The following RBMS1 variants were observed in gnomAD, a reference collection of about 807,000 sequenced individuals.
The protein encoded by RBMS1 is RNA-binding motif, single-stranded-interacting protein 1.
Under a neutral mutation model 62.3 loss-of-function variants are expected in RBMS1, and 17 were observed. The observed-to-expected ratio is 0.27, with a 90% CI of 0.19 to 0.41. The LOEUF (loss-of-function observed/expected upper bound fraction) is 0.41, where lower values mean the gene tolerates loss of function less well. Ranked by LOEUF, RBMS1 falls within the 10% of genes least tolerant of loss-of-function variation. The probability of loss-of-function intolerance (pLI) is 1.00; values close to 1 mark genes in which losing one functional copy is unlikely to be tolerated. For missense variants in RBMS1, 334 were observed against 504.5 expected, an observed-to-expected ratio of 0.66 and a Z score of 3.24; for synonymous variants, 172 against 170.0, an observed-to-expected ratio of 1.01 and a Z score of -0.09.
rs1459318953 is a variant in RBMS1 at position 160,297,818 on chromosome 2, TGGA to T, written c.640+2830_640+2832del. ...GGGAATACCATTTGTAGTTCAATGT[TGGA>T]GGAGGATAAGCAGGAAGGCAGAGGA... is the stretch of plus-strand genomic sequence containing the variant. On this transcript the variant is annotated intron_variant, in intron 6 of 13. Transcript: ENST00000348849. 7.9e-5 allele frequency among the ~76,000 whole-genome samples: 12 copies of T among 152,188 alleles called. No individual in the cohort carries two copies. In the East Asian group the frequency reaches 2.1e-3, roughly 27 times the overall value.
intron 1 of RBMS1, among the ~76,000 whole-genome samples, chr2:160,446,368 T>C (rs1048926605): frequency 2.6e-5 from 4 of 152,036 alleles, no homozygotes; most frequent in Admixed American, 1.3e-4. Flanking sequence ...GACAAAGCTC[T>C]TCCTTATGCT....
Position 160,439,462 on chromosome 2 carries a change from C to G in RBMS1, c.75+53827G>C, listed in dbSNP as rs1177831277. Among the ~76,000 whole-genome samples the G allele has an allele frequency of 2.0e-5, 3 of 151,794 alleles. No homozygotes were observed. The East Asian group carries it at 5.9e-4, about 30-fold the overall frequency. Reference sequence around the variant, plus strand: ...TCCCCACATCTCAGACGATGGGCAGCCGGGCAGAGACGCTCCTCACTTCCC... The same window carrying G: ...TCCCCACATCTCAGACGATGGGCAGGCGGGCAGAGACGCTCCTCACTTCCC... On this transcript the variant is annotated intron_variant, in intron 1 of 13. Coordinates refer to ENST00000348849, the MANE Select transcript of RBMS1 (RefSeq NM_016836.4).
intron 2 of RBMS1, among the ~76,000 whole-genome samples, chr2:160,351,625 C>A (rs1692514331): frequency 6.6e-6 from 1 of 151,994 alleles, no homozygotes; most frequent in African/African-American, 2.4e-5. Context: ...TGCTAGAAAT[C>A]ATGATTTTGA....
At chr2:160,311,224 C>CTATATATATATATA (rs1553505400) in intron 4 of RBMS1, among the ~76,000 whole-genome samples, 8 of 56,596 alleles carry the variant, frequency 1.4e-4, no homozygotes, top group African/African-American at 4.9e-4. Flanking sequence ...ATCTATCTAT[C>CTATATATATATATA]TATCTATCTA....
chr2:160,430,934 C>A (rs986895844), intron 1 of RBMS1, among the ~76,000 whole-genome samples: 2 of 151,564 alleles, frequency 1.3e-5, no homozygotes, highest in African/African-American at 4.8e-5. Flanking sequence ...AGGTCCTTTG[C>A]ATTTTGGTTC....
At chr2:160,372,359 GACCACC>G (rs1174329114) in intron 1 of RBMS1, among the ~76,000 whole-genome samples, 1 of 151,540 alleles carries the variant, frequency 6.6e-6, no homozygotes, top group Admixed American at 6.6e-5. Context: ...CCACCACCAC[GACCACC>G]ACCACCACCA....
intron 2 of RBMS1, among the ~76,000 whole-genome samples, chr2:160,345,775 G>A (rs1031848847): frequency 6.6e-6 from 1 of 152,120 alleles, no homozygotes; most frequent in African/African-American, 2.4e-5. Context: ...GCTAGAGTCT[G>A]TTTTCTAACT....
At chr2:160,414,117 G>T (rs1193098596) in intron 1 of RBMS1, among the ~76,000 whole-genome samples, 1 of 152,166 alleles carries the variant, frequency 6.6e-6, no homozygotes, top group Non-Finnish European at 1.5e-5. Context: ...GCCCCCATTT[G>T]CTCAGTTGTA....
intron 1 of RBMS1, among the ~76,000 whole-genome samples, chr2:160,432,687 G>C (rs1193329469): frequency 6.6e-6 from 1 of 152,136 alleles, no homozygotes; most frequent in East Asian, 1.9e-4. Context: ...CAGATATAAG[G>C]TATAAGGAAT....
At chr2:160,401,368 A>G (rs1695417015) in intron 1 of RBMS1, among the ~76,000 whole-genome samples, 1 of 152,186 alleles carries the variant, frequency 6.6e-6, no homozygotes, top group Admixed American at 6.5e-5. Context: ...GTTAAGTCCC[A>G]ACAGTTATAT....
intron 1 of RBMS1, among the ~76,000 whole-genome samples, chr2:160,380,917 T>G (rs1694256873): frequency 6.6e-6 from 1 of 152,212 alleles, no homozygotes; most frequent in Admixed American, 6.5e-5. Context: ...TTAGAAGAAC[T>G]TCCATCACAA....
chr2:160,426,328 A>AGGAG, intron 1 of RBMS1, among the ~76,000 whole-genome samples: 1 of 117,710 alleles, frequency 8.5e-6, no homozygotes, highest in South Asian at 3.4e-4. Context: ...GAAGGAAGGA[A>AGGAG]GGAAGGAAAG....
chr2:160,438,707 C>A (rs1203420616), intron 1 of RBMS1, among the ~76,000 whole-genome samples: 1 of 152,252 alleles, frequency 6.6e-6, no homozygotes, highest in African/African-American at 2.4e-5. Context: ...CTTTTCCCCA[C>A]CTTTCCCCCC....
intron 11 of RBMS1, 53 bp from the exon 12 acceptor site, chr2:160,277,436 G>T: frequency 7.2e-7 from 1 of 1,379,862 alleles, no homozygotes; most frequent in South Asian, 1.2e-5. Context: ...GCAAAATTTG[G>T]AGTACGTGGG....
At chr2:160,416,932 T>C (rs1227045589) in intron 1 of RBMS1, among the ~76,000 whole-genome samples, 1 of 152,206 alleles carries the variant, frequency 6.6e-6, no homozygotes. Context: ...GTGGCTTCTA[T>C]AGATTGTATA....
chr2:160,487,648 T>C (rs1440460506), intron 1 of RBMS1, among the ~76,000 whole-genome samples: 1 of 152,214 alleles, frequency 6.6e-6, no homozygotes, highest in Non-Finnish European at 1.5e-5. Context: ...CCCACCAACA[T>C]TGATTTAGCA....
chr2:160,430,851 G>A (rs1574049285), intron 1 of RBMS1, among the ~76,000 whole-genome samples: 1 of 151,940 alleles, frequency 6.6e-6, no homozygotes, highest in Admixed American at 6.6e-5. Context: ...TATTCTCATT[G>A]TAGACAAGTT....
At chr2:160,381,379 GA>G (rs1426762565) in intron 1 of RBMS1, among the ~76,000 whole-genome samples, 2 of 152,070 alleles carry the variant, frequency 1.3e-5, no homozygotes, top group Non-Finnish European at 2.9e-5. Context: ...AACTAAAGAG[GA>G]AAAACCCAAA....
intron 1 of RBMS1, among the ~76,000 whole-genome samples, chr2:160,413,148 G>T (rs962129451): frequency 6.6e-6 from 1 of 152,074 alleles, no homozygotes; most frequent in African/African-American, 2.4e-5. Flanking sequence ...TTTTTATTTG[G>T]GTGAAATTGA....
Sources: gnomAD v4.1 joint callset for allele counts (sites outside exome capture counted in the v4.1 genomes callset) on GRCh38, gnomAD v4.1.1 for gene constraint, MANE v1.5 for transcripts, NCBI Gene and HGNC (gene_info 2026-07-23, HGNC 2026-07-21) for gene names.